Variants in XIRP2 observed in about 807,000 individuals in gnomAD.
XIRP2 encodes the protein xin actin binding repeat containing 2, also known as xin actin-binding repeat-containing protein 2.
A neutral mutation model predicts 277.0 loss-of-function variants in XIRP2; 236 were observed. That is an observed-to-expected ratio of 0.85 (90% CI 0.77 to 0.95). XIRP2 has a LOEUF of 0.95. Among genes scored for constraint, XIRP2 ranks in the 40% least tolerant of loss-of-function variants. The pLI is 0.00. For missense variants in XIRP2, 4,640 were observed against 4,157.5 expected, an observed-to-expected ratio of 1.12 and a Z score of -3.19; for synonymous variants, 1,490 against 1,416.5, an observed-to-expected ratio of 1.05 and a Z score of -1.17.
intron 2 of XIRP2, among the ~76,000 whole-genome samples, chr2:167,100,555 A>C (rs1216528601): frequency 6.6e-6 from 1 of 152,204 alleles, no homozygotes; most frequent in East Asian, 1.9e-4. Context: ...GAAGGAAGCT[A>C]CCTAAAGTGT....
At chr2:167,253,421 G>A (rs943275804) in intron 9 of XIRP2, among the ~76,000 whole-genome samples, 3 of 151,718 alleles carry the variant, frequency 2.0e-5, no homozygotes, top group African/African-American at 7.3e-5. Flanking sequence ...ATGACCCTGA[G>A]CATTTTACTG....
intron 2 of XIRP2, among the ~76,000 whole-genome samples, chr2:166,970,546 T>C (rs1426502546): frequency 1.3e-5 from 2 of 152,014 alleles, no homozygotes; most frequent in Admixed American, 6.6e-5. Flanking sequence ...CTCTTGTCAC[T>C]TCTTTTCAAA....
At chr2:167,113,121 A>C (rs1477012089) in intron 2 of XIRP2, among the ~76,000 whole-genome samples, 1 of 151,946 alleles carries the variant, frequency 6.6e-6, no homozygotes, top group Non-Finnish European at 1.5e-5. Flanking sequence ...TTTTATGTGG[A>C]GAGTTCTGTA....
intron 2 of XIRP2, among the ~76,000 whole-genome samples, chr2:166,966,612 C>T (rs1443767766): frequency 6.6e-6 from 1 of 151,936 alleles, no homozygotes; most frequent in East Asian, 1.9e-4. Flanking sequence ...TTATTCTCCT[C>T]CATCTTCTAG....
intron 4 of XIRP2, among the ~76,000 whole-genome samples, chr2:167,217,131 G>T (rs556367538): frequency 8.6e-4 from 114 of 132,794 alleles, no homozygotes; most frequent in African/African-American, 3.1e-3. Flanking sequence ...TGGGGACTGT[G>T]GTGGGGTGGG....
chr2:166,938,266 C>T (rs955320176), intron 2 of XIRP2, among the ~76,000 whole-genome samples: 2 of 152,084 alleles, frequency 1.3e-5, no homozygotes, highest in Non-Finnish European at 2.9e-5. Context: ...ACTGCTTTAT[C>T]TGAGTCCCAG....
At chr2:166,998,178 G>A (rs1041593340) in intron 2 of XIRP2, among the ~76,000 whole-genome samples, 1 of 152,060 alleles carries the variant, frequency 6.6e-6, no homozygotes, top group African/African-American at 2.4e-5. Flanking sequence ...GTGCTGCAAT[G>A]AACATACGCA....
At chr2:167,215,139 G>A (rs767747572) in intron 4 of XIRP2, among the ~76,000 whole-genome samples, 16 of 152,074 alleles carry the variant, frequency 1.1e-4, no homozygotes, top group Non-Finnish European at 8.8e-5. Flanking sequence ...TAAATTAAAT[G>A]GCAGAAGGGG....
At chr2:167,198,701 A>G (rs1177642745) in intron 3 of XIRP2, among the ~76,000 whole-genome samples, 1 of 152,226 alleles carries the variant, frequency 6.6e-6, no homozygotes, top group Non-Finnish European at 1.5e-5. Context: ...CTGCTCTGAA[A>G]GAGTGAATTT....
intron 2 of XIRP2, among the ~76,000 whole-genome samples, chr2:167,113,206 A>G (rs1690809876): frequency 1.3e-5 from 2 of 151,888 alleles, no homozygotes; most frequent in Admixed American, 6.6e-5. Flanking sequence ...TATCTTTGTT[A>G]ATTTTCCGCC....
intron 2 of XIRP2, among the ~76,000 whole-genome samples, chr2:167,096,635 G>C (rs1690325988): frequency 6.6e-6 from 1 of 151,892 alleles, no homozygotes; most frequent in South Asian, 2.1e-4. Context: ...TTTTAATTTT[G>C]ATGTTAGAAT....
At chr2:167,078,113 T>A (rs1689622051) in intron 2 of XIRP2, among the ~76,000 whole-genome samples, 1 of 152,256 alleles carries the variant, frequency 6.6e-6, no homozygotes, top group South Asian at 2.1e-4. Context: ...TCCATGAGCA[T>A]GGAATGTTTA....
At chr2:166,955,669 T>C (rs1312388422) in intron 2 of XIRP2, among the ~76,000 whole-genome samples, 1 of 151,776 alleles carries the variant, frequency 6.6e-6, no homozygotes, top group East Asian at 1.9e-4. Context: ...TGATATAGAG[T>C]AATCATCTTT....
chr2:166,906,066 T>C (rs1684515748), intron 2 of XIRP2, among the ~76,000 whole-genome samples: 1 of 152,038 alleles, frequency 6.6e-6, no homozygotes, highest in Admixed American at 6.6e-5. Flanking sequence ...CTGACATTTA[T>C]GTTTTTTGAG....
intron 5 of XIRP2, among the ~76,000 whole-genome samples, chr2:167,237,763 C>A (rs925762254): frequency 6.6e-6 from 1 of 152,152 alleles, no homozygotes; most frequent in African/African-American, 2.4e-5. Context: ...GGTGCACATT[C>A]TCCTTTGCTA....
chr2:167,055,634 A>G (rs1558963547), intron 2 of XIRP2, among the ~76,000 whole-genome samples: 1 of 152,190 alleles, frequency 6.6e-6, no homozygotes, highest in South Asian at 2.1e-4. Context: ...CTGAATATGC[A>G]TAGTTTACCT....
intron 3 of XIRP2, among the ~76,000 whole-genome samples, chr2:167,142,940 G>A (rs1478555272): frequency 6.6e-6 from 1 of 151,918 alleles, no homozygotes; most frequent in Admixed American, 6.6e-5. Flanking sequence ...GAAGGAGGAA[G>A]GGAAGGAGGG....
intron 2 of XIRP2, among the ~76,000 whole-genome samples, chr2:166,946,309 G>A (rs1015976664): frequency 3.9e-5 from 6 of 152,154 alleles, no homozygotes; most frequent in Non-Finnish European, 5.9e-5. Flanking sequence ...TTGGATATAA[G>A]TTCTGTCATA....
rs917961475 is a variant in XIRP2, at chr2:166,938,526, A to G, written c.408+34636A>G. Among the ~76,000 whole-genome samples, 8 of 152,320 alleles carry G rather than the reference A, an allele frequency of 5.3e-5. No individual in the cohort carries two copies. In the East Asian group the frequency reaches 5.8e-4, roughly 11 times the overall value. On this transcript the variant is annotated intron_variant, in intron 2 of 10. Coordinates refer to ENST00000409195, the MANE Select transcript of XIRP2 (RefSeq NM_152381.6). Reference sequence around the variant, plus strand: ...TGCTTTACTTCCAACTATGTGGTCAATTTTGGAATAAGTGTGGTATGGTGC... The same window carrying G: ...TGCTTTACTTCCAACTATGTGGTCAGTTTTGGAATAAGTGTGGTATGGTGC...
Sources: allele counts gnomAD v4.1 joint callset (sites outside exome capture counted in the v4.1 genomes callset), GRCh38; gene constraint gnomAD v4.1.1; transcripts MANE v1.5; gene names NCBI Gene and HGNC (gene_info 2026-07-23, HGNC 2026-07-21).